Variants in KCNIP4 observed in about 807,000 individuals in gnomAD.
The protein encoded by KCNIP4 is Kv channel-interacting protein 4.
KCNIP4 carries 12 observed loss-of-function variants against 34.0 expected under a neutral mutation model. That is an observed-to-expected ratio of 0.35 (90% CI 0.23 to 0.57). The LOEUF (loss-of-function observed/expected upper bound fraction) is 0.57. Among genes scored for constraint, KCNIP4 ranks in the 20% least tolerant of loss-of-function variants. The pLI is 0.83. For missense variants in KCNIP4, 238 were observed against 311.7 expected (o/e 0.76, Z 1.78); for synonymous variants, 124 against 102.2 (o/e 1.21, Z -1.29).
intron 1 of KCNIP4, among the ~76,000 whole-genome samples, chr4:21,358,329 A>C (rs1323452573): frequency 6.6e-6 from 1 of 152,098 alleles, no homozygotes; most frequent in Non-Finnish European, 1.5e-5. Context: ...AATAATAAAA[A>C]AAATCCTAAA....
At position 21,587,579 on chromosome 4, in the gene KCNIP4, G is replaced by A. The variant is rs139814579; in HGVS notation, c.61+360992C>T. Among the ~76,000 whole-genome samples the A allele has an allele frequency of 4.6e-4, 70 of 152,004 alleles. 1 individual carries two copies. In the East Asian group the frequency reaches 0.013, roughly 27 times the overall value. ...AACAACAACAACAAAAACCACAACA[G>A]TAATAATGGCTAACATGTATTAAGT... On this transcript the variant is annotated intron_variant, in intron 1 of 8. Coordinates refer to ENST00000382152, the MANE Select transcript of KCNIP4 (RefSeq NM_025221.6).
intron 2 of KCNIP4, among the ~76,000 whole-genome samples, chr4:20,864,242 GTA>G (rs71636826): frequency 0.2 from 30,866 of 150,800 alleles, 3,372 homozygotes; most frequent in South Asian, 0.35. Flanking sequence ...GTACACATAT[GTA>G]TGTATATATG....
intron 1 of KCNIP4, among the ~76,000 whole-genome samples, chr4:21,624,044 C>T (rs1284695348): frequency 6.6e-6 from 1 of 152,118 alleles, no homozygotes; most frequent in African/African-American, 2.4e-5. Context: ...ATCCCTCACT[C>T]CAGGCAGCAA....
chr4:20,818,973 C>T (rs1443842407), intron 3 of KCNIP4, among the ~76,000 whole-genome samples: 2 of 144,886 alleles, frequency 1.4e-5, no homozygotes, highest in African/African-American at 5.2e-5. Context: ...CAACCTCTGC[C>T]TCCTGAGTTC....
chr4:20,804,266 A>G (rs1203437547), intron 3 of KCNIP4, among the ~76,000 whole-genome samples: 3 of 152,210 alleles, frequency 2.0e-5, no homozygotes, highest in African/African-American at 7.2e-5. Context: ...GCTCATGGTC[A>G]TGTAAATAAA....
intron 1 of KCNIP4, among the ~76,000 whole-genome samples, chr4:21,762,344 A>G (rs1718113447): frequency 6.6e-6 from 1 of 152,194 alleles, no homozygotes; most frequent in Non-Finnish European, 1.5e-5. Flanking sequence ...CTCGTTAGCC[A>G]TATGTGGCTT....
intron 5 of KCNIP4, among the ~76,000 whole-genome samples, chr4:20,737,881 C>T (rs1177837248): frequency 1.3e-5 from 2 of 152,204 alleles, no homozygotes; most frequent in African/African-American, 4.8e-5. Flanking sequence ...CCTGTAATCC[C>T]AGCACTTTGG....
intron 1 of KCNIP4, among the ~76,000 whole-genome samples, chr4:21,913,106 T>C (rs1211187043): frequency 6.6e-6 from 1 of 151,954 alleles, no homozygotes; most frequent in Admixed American, 6.6e-5. Flanking sequence ...ACCTGCATTT[T>C]AATAGTATTA....
chr4:20,947,010 G>T (rs560825001), intron 1 of KCNIP4, among the ~76,000 whole-genome samples: 1 of 152,104 alleles, frequency 6.6e-6, no homozygotes, highest in South Asian at 2.1e-4. Flanking sequence ...AGCTGTGAAC[G>T]TCCTCTTCTT....
chr4:20,941,507 AAAG>A (rs1731637143), intron 1 of KCNIP4, among the ~76,000 whole-genome samples: 2 of 152,214 alleles, frequency 1.3e-5, no homozygotes, highest in Admixed American at 1.3e-4. Flanking sequence ...AAGAAGGACA[AAAG>A]AAGAACTTTT....
chr4:21,914,551 C>A (rs1005273567), intron 1 of KCNIP4, among the ~76,000 whole-genome samples: 2 of 152,134 alleles, frequency 1.3e-5, no homozygotes, highest in African/African-American at 4.8e-5. Context: ...TCCCCCAGGC[C>A]TTTGCTGGTT....
At chr4:21,104,374 T>G (rs1748275718) in intron 1 of KCNIP4, among the ~76,000 whole-genome samples, 2 of 152,234 alleles carry the variant, frequency 1.3e-5, no homozygotes, top group Admixed American at 1.3e-4. Flanking sequence ...ATGTGTCTGT[T>G]GGCTGCACAA....
At chr4:20,985,902 G>A (rs1026121100) in intron 1 of KCNIP4, among the ~76,000 whole-genome samples, 26 of 152,142 alleles carry the variant, frequency 1.7e-4, no homozygotes, top group African/African-American at 6.3e-4. Flanking sequence ...TGGTAGACCT[G>A]GGTACAATCC....
intron 1 of KCNIP4, among the ~76,000 whole-genome samples, chr4:20,999,438 GTT>G (rs56952036): frequency 2.2e-5 from 1 of 45,526 alleles, no homozygotes; most frequent in Non-Finnish European, 4.1e-5. Context: ...TTTGTTTTTT[GTT>G]TTTTTTTTTT....
intron 1 of KCNIP4, among the ~76,000 whole-genome samples, chr4:21,824,080 G>A (rs1421408248): frequency 6.6e-6 from 1 of 152,142 alleles, no homozygotes; most frequent in East Asian, 1.9e-4. Flanking sequence ...TAGCCTGCCA[G>A]TGAAACAACC....
rs1735539149 is a variant in KCNIP4, at chr4:21,521,669, C to A, written c.61+426902G>T. Among the ~76,000 whole-genome samples the A allele has an allele frequency of 2.0e-5, 3 of 152,056 alleles. No individual in the cohort carries two copies. In the South Asian group the frequency reaches 6.2e-4, roughly 32 times the overall value. On this transcript the variant is annotated intron_variant, in intron 1 of 8. Coordinates refer to ENST00000382152, the MANE Select transcript of KCNIP4 (RefSeq NM_025221.6). ...CAGAGTGGCTGCCTCAAAAATATAT[C>A]TTGACTATTCATTATCTTCACCCAA...
chr4:21,564,334 G>A (rs887039369), intron 1 of KCNIP4, among the ~76,000 whole-genome samples: 6 of 152,036 alleles, frequency 3.9e-5, no homozygotes, highest in Admixed American at 3.3e-4. Context: ...ATTCAGAAAT[G>A]AGCTCTCATG....
intron 2 of KCNIP4, among the ~76,000 whole-genome samples, chr4:20,852,701 T>C (rs1352491849): frequency 6.6e-6 from 1 of 152,192 alleles, no homozygotes; most frequent in Non-Finnish European, 1.5e-5. Flanking sequence ...TGTTTGTTGA[T>C]GACATGATTG....
chr4:21,612,527 T>C (rs1744235348), intron 1 of KCNIP4, among the ~76,000 whole-genome samples: 1 of 152,248 alleles, frequency 6.6e-6, no homozygotes, highest in South Asian at 2.1e-4. Context: ...CTTTTTCAGT[T>C]GTCTGGAGTG....
Sources: allele counts gnomAD v4.1 joint callset (sites outside exome capture counted in the v4.1 genomes callset), GRCh38; gene constraint gnomAD v4.1.1; transcripts MANE v1.5; gene names NCBI Gene and HGNC (gene_info 2026-07-23, HGNC 2026-07-21).